The following VWA2 variants were observed in gnomAD, a reference collection of about 807,000 sequenced individuals.
VWA2 encodes von Willebrand factor A domain containing 2, also known as von Willebrand factor A domain-containing protein 2.
A neutral mutation model predicts 70.4 loss-of-function variants in VWA2; 73 were observed. The ratio of observed to expected loss-of-function variants is 1.04; its 90% CI spans 0.86 to 1.26. VWA2 has a LOEUF of 1.26. Among genes scored for constraint, VWA2 ranks in the 50% most tolerant of loss-of-function variants. The probability of loss-of-function intolerance (pLI) is 0.00; values close to 1 mark genes in which losing one functional copy is unlikely to be tolerated. For missense variants in VWA2, 1,011 were observed against 998.5 expected, an observed-to-expected ratio of 1.01 and a Z score of -0.17; for synonymous variants, 407 against 423.3, an observed-to-expected ratio of 0.96 and a Z score of 0.47.
Position 114,253,516 on chromosome 10 carries a change from A to T in VWA2, c.53-135A>T, listed in dbSNP as rs2037251924. Reference sequence around the variant, plus strand: ...TATGTTATCCGTCTGGTAATTTTTGAGATGCAAGAATCATCACTCCCCCAC... The same window carrying T: ...TATGTTATCCGTCTGGTAATTTTTGTGATGCAAGAATCATCACTCCCCCAC... On this transcript the variant is annotated intron_variant, in intron 2 of 13. Coordinates refer to ENST00000392982, the MANE Select transcript of VWA2 (RefSeq NM_001272046.2). The T allele has an allele frequency of 6.9e-6, 5 of 728,502 alleles. No individual in the cohort carries two copies. The East Asian group carries it at 1.3e-4, about 19-fold the overall frequency. 45.1% of individuals were successfully genotyped at this position (728,502 alleles called of 1,614,324 possible). A position where few individuals can be genotyped will look rare whatever the true frequency, so the allele number is the denominator to read the frequency against.
intron 5 of VWA2, among the ~76,000 whole-genome samples, chr10:114,264,286 A>G (rs1017669177): frequency 6.6e-6 from 1 of 152,278 alleles, no homozygotes; most frequent in African/African-American, 2.4e-5. Flanking sequence ...TTGTATATCC[A>G]AACAATGGAA....
intron 12 of VWA2, 111 bp downstream of exon 12, chr10:114,289,600 GCTTCC>G: frequency 3.1e-6 from 4 of 1,285,306 alleles, no homozygotes; most frequent in African/African-American, 2.9e-5. Flanking sequence ...CTGAGCACTT[GCTTCC>G]CAAGTGCCAG....
chr10:114,283,049 A>G (rs1484962249), intron 9 of VWA2, among the ~76,000 whole-genome samples: 1 of 152,230 alleles, frequency 6.6e-6, no homozygotes, highest in Non-Finnish European at 1.5e-5. Flanking sequence ...ATCCCAAATT[A>G]ACGTGAGGAA....
intron 11 of VWA2, 151 bp downstream of exon 11, chr10:114,286,662 T>G: frequency 1.5e-6 from 1 of 686,326 alleles, no homozygotes; most frequent in Non-Finnish European, 2.3e-6. Context: ...CATAAATAAT[T>G]TTCAGTTTAC....
chr10:114,268,493 A>T (rs1353380581), intron 5 of VWA2, among the ~76,000 whole-genome samples: 2 of 152,064 alleles, frequency 1.3e-5, no homozygotes, highest in East Asian at 3.9e-4. Flanking sequence ...TTATATGGGC[A>T]TATGCTAAGC....
In VWA2 at chr10:114,253,721, CA is replaced by C. The variant is rs778039407; in HGVS notation, c.127del (p.Met43Ter). On this transcript the variant is annotated frameshift_variant, in exon 3 of 14. Transcript: ENST00000392982. LOFTEE classifies it high-confidence loss of function. ...CCATCGGGAAGATTTCAGCTGCCAG[CA>C]AAAGTAAGCCCAGGTTCTTCTTAAC... is the stretch of plus-strand genomic sequence containing the variant. Reference protein sequence around the residue: ...ETIGKISAASKMMWCSAAVDI... With the variant: ...ETIGKISAASXMMWCSAAVDI... 1.9e-6 allele frequency: 3 copies of C among 1,612,236 alleles called. No homozygotes were observed. Among genetic ancestry groups the C allele is most frequent in the Non-Finnish European group, 2.5e-6 (3 of 1,179,696 alleles).
intron 4 of VWA2, among the ~76,000 whole-genome samples, chr10:114,258,602 G>A (rs1214365314): frequency 2.0e-5 from 3 of 152,164 alleles, no homozygotes; most frequent in Admixed American, 1.3e-4. Context: ...TTTAACTCAA[G>A]TAAATACACC....
intron 1 of VWA2, chr10:114,246,207 T>C: frequency 9.1e-7 from 1 of 1,101,198 alleles, no homozygotes; most frequent in Non-Finnish European, 1.4e-6. Context: ...TACAAAAGAA[T>C]ATCACGGGTT....
chr10:114,256,713 G>A (rs667561), intron 4 of VWA2, among the ~76,000 whole-genome samples: 85,725 of 151,764 alleles, frequency 0.56, 26,317 homozygotes, highest in African/African-American at 0.82. Context: ...GATTGAGACC[G>A]TCCTGGCTAA....
In VWA2 at chr10:114,261,232, T is replaced by TC. The variant is rs1357319554; in HGVS notation, c.312dup (p.Asp106GlyfsTer54). 2.5e-6 allele frequency: 4 copies of TC among 1,614,048 alleles called. No individual in the cohort carries two copies. The African/African-American group carries it at 4.0e-5, about 16-fold the overall frequency. On this transcript the variant is annotated frameshift_variant, in exon 5 of 14. Transcript: ENST00000392982. LOFTEE classifies it high-confidence loss of function. ...TTCAGTTCCACTCCTCATCTGGAAT[T>TC]CCCCTTGGATTCATTTTCAACCCAA...
chr10:114,243,291 T>G (rs2037006684), intron 1 of VWA2, among the ~76,000 whole-genome samples: 1 of 152,200 alleles, frequency 6.6e-6, no homozygotes, highest in South Asian at 2.1e-4. Flanking sequence ...GACTTTTGGT[T>G]GTTAGGCCAC....
chr10:114,278,494 TG>T (rs1459936466), intron 7 of VWA2, among the ~76,000 whole-genome samples: 1 of 152,104 alleles, frequency 6.6e-6, no homozygotes, highest in Non-Finnish European at 1.5e-5. Context: ...CTGTGTGGGG[TG>T]GGGCCCAGCA....
At chr10:114,265,065 A>G (rs2037532905) in intron 5 of VWA2, among the ~76,000 whole-genome samples, 1 of 152,214 alleles carries the variant, frequency 6.6e-6, no homozygotes, top group Admixed American at 6.5e-5. Context: ...AAATACATGA[A>G]GATAAAAAGT....
rs568849508 is a variant in VWA2 at position 114,279,754 on chromosome 10, A to G, written c.833+903A>G. ...CCTGCTCAGAGCCAGGCAATGTGCA[A>G]TAAGAAGACAGTACAGTTGCTGCCC... On this transcript the variant is annotated intron_variant, in intron 8 of 13. Coordinates refer to ENST00000392982, the MANE Select transcript of VWA2 (RefSeq NM_001272046.2). 5.3e-5 allele frequency among the ~76,000 whole-genome samples: 8 copies of G among 152,318 alleles called. 1 individual carries two copies. Among genetic ancestry groups the G allele is most frequent in the Non-Finnish European group, 1.0e-4 (7 of 68,024 alleles).
chr10:114,280,567 T>C (rs1003188137), intron 8 of VWA2, among the ~76,000 whole-genome samples: 8 of 152,092 alleles, frequency 5.3e-5, no homozygotes, highest in African/African-American at 1.9e-4. Flanking sequence ...TGCAAAGCCC[T>C]GTTGGTAGTG....
At chr10:114,278,082 C>A (rs2037893196) in intron 7 of VWA2, 35 bp downstream of exon 7, 3 of 1,591,466 alleles carry the variant, frequency 1.9e-6, no homozygotes, top group African/African-American at 1.3e-5. Flanking sequence ...GTGGAAGTGC[C>A]ATGTGGGGTC....
At chr10:114,290,606 T>C (rs1172526118) in intron 13 of VWA2, among the ~76,000 whole-genome samples, 1 of 152,188 alleles carries the variant, frequency 6.6e-6, no homozygotes, top group African/African-American at 2.4e-5. Context: ...TCCATTCTAA[T>C]GGGAAGACAG....
intron 1 of VWA2, among the ~76,000 whole-genome samples, chr10:114,242,275 T>C (rs1400330510): frequency 6.6e-6 from 1 of 152,086 alleles, no homozygotes; most frequent in Non-Finnish European, 1.5e-5. Flanking sequence ...TCCAGGGAAA[T>C]AGGATGGATG....
Position 114,284,866 on chromosome 10 carries a change from C to T in VWA2, c.893C>T (p.Pro298Leu), listed in dbSNP as rs1428003326. Residue 298 changes from proline to leucine, a missense_variant, in exon 10 of 14, where the codon CCC (proline) becomes CTC (leucine). Physicochemically the swap from Pro to Leu is moderately conservative, Grantham distance 98. Transcript: ENST00000392982. ...TTAATGGGCATCTCTCTGATAGGCC[C>T]CTGTGACTCGCAGCCCTGCCAGAAT... ...ATCYRTTCPGPCDSQPCQNGG... is the reference protein window; with the variant it reads ...ATCYRTTCPGLCDSQPCQNGG... 1.2e-6 allele frequency: 2 copies of T among 1,607,722 alleles called. No homozygotes were observed. The highest frequency in any genetic ancestry group is 1.1e-5 in the South Asian group (1 of 89,562).
Sources: gnomAD v4.1 joint callset for allele counts (sites outside exome capture counted in the v4.1 genomes callset) on GRCh38, gnomAD v4.1.1 for gene constraint, MANE v1.5 for transcripts, NCBI Gene and HGNC (gene_info 2026-07-23, HGNC 2026-07-21) for gene names.